The following STIM2 variants were observed in gnomAD, a reference collection of about 807,000 sequenced individuals.
STIM2 encodes stromal interaction molecule 2.
A neutral mutation model predicts 85.8 loss-of-function variants in STIM2; 31 were observed. The observed-to-expected ratio is 0.36, with a 90% CI of 0.27 to 0.49. The LOEUF (loss-of-function observed/expected upper bound fraction) is 0.49, where lower values mean the gene tolerates loss of function less well. Among genes scored for constraint, STIM2 ranks in the 20% least tolerant of loss-of-function variants. The probability of loss-of-function intolerance (pLI) is 0.98; values close to 1 mark genes in which losing one functional copy is unlikely to be tolerated. For missense variants in STIM2, 841 were observed against 927.6 expected, an observed-to-expected ratio of 0.91 and a Z score of 1.21; for synonymous variants, 356 against 331.1, an observed-to-expected ratio of 1.08 and a Z score of -0.82.
At chr4:27,018,129 C>T in intron 11 of STIM2, 145 bp downstream of exon 11, 1 of 1,177,092 alleles carries the variant, frequency 8.5e-7, no homozygotes, top group East Asian at 2.4e-5. Flanking sequence ...AGACATCACC[C>T]ATTTTTTAGC....
chr4:26,911,483 G>A (rs914813161), intron 1 of STIM2, among the ~76,000 whole-genome samples: 3 of 152,110 alleles, frequency 2.0e-5, no homozygotes, highest in Admixed American at 6.5e-5. Flanking sequence ...CAAAGGTCCT[G>A]TATTTTCTGT....
intron 1 of STIM2, among the ~76,000 whole-genome samples, chr4:26,917,220 T>G (rs909221171): frequency 6.6e-6 from 1 of 152,166 alleles, no homozygotes; most frequent in African/African-American, 2.4e-5. Flanking sequence ...AATCGAAAAT[T>G]TCAAATCCCT....
At chr4:26,931,138 A>G (rs918808186) in intron 2 of STIM2, among the ~76,000 whole-genome samples, 9 of 152,126 alleles carry the variant, frequency 5.9e-5, no homozygotes, top group South Asian at 2.1e-4. Context: ...TAACATGACA[A>G]TGGGGTTCCC....
At chr4:27,014,032 G>A (rs187004030) in intron 10 of STIM2, among the ~76,000 whole-genome samples, 4 of 151,916 alleles carry the variant, frequency 2.6e-5, no homozygotes, top group Admixed American at 2.0e-4. Context: ...TGTTTATACT[G>A]TTTTATATGA....
At chr4:26,873,362 T>C (rs2109030237) in intron 1 of STIM2, among the ~76,000 whole-genome samples, 1 of 151,664 alleles carries the variant, frequency 6.6e-6, no homozygotes, top group South Asian at 2.1e-4. Context: ...GCCATTGCAC[T>C]CCACTCCAGC....
intron 1 of STIM2, among the ~76,000 whole-genome samples, chr4:26,899,568 G>A (rs554977669): frequency 1.4e-4 from 22 of 152,188 alleles, no homozygotes; most frequent in African/African-American, 5.3e-4. Flanking sequence ...TTCCTAGATA[G>A]TTTAGTTTTT....
At chr4:26,944,578 A>G (rs1725742530) in intron 2 of STIM2, among the ~76,000 whole-genome samples, 1 of 152,206 alleles carries the variant, frequency 6.6e-6, no homozygotes, top group Non-Finnish European at 1.5e-5. Context: ...GTTAAAATAG[A>G]AGCCATTACT....
chr4:26,988,956 A>G (rs1727672541), intron 3 of STIM2, among the ~76,000 whole-genome samples: 1 of 152,046 alleles, frequency 6.6e-6, no homozygotes, highest in Non-Finnish European at 1.5e-5. Context: ...GGAGTGGGGG[A>G]CGGAGTCTCA....
At chr4:26,989,197 A>G (rs1240153035) in intron 3 of STIM2, among the ~76,000 whole-genome samples, 1 of 152,188 alleles carries the variant, frequency 6.6e-6, no homozygotes, top group Non-Finnish European at 1.5e-5. Flanking sequence ...GGTCTCCCAA[A>G]GTGGTAGGAT....
At chr4:26,935,513 A>G (rs1295136236) in intron 2 of STIM2, among the ~76,000 whole-genome samples, 2 of 152,210 alleles carry the variant, frequency 1.3e-5, no homozygotes, top group Non-Finnish European at 2.9e-5. Flanking sequence ...AAATTGCTCT[A>G]AGGAGTAAAT....
chr4:26,893,190 A>G (rs1723558960), intron 1 of STIM2, among the ~76,000 whole-genome samples: 1 of 152,224 alleles, frequency 6.6e-6, no homozygotes, highest in Non-Finnish European at 1.5e-5. Context: ...TGAATAATAA[A>G]GGGAACCATT....
intron 1 of STIM2, among the ~76,000 whole-genome samples, chr4:26,864,701 T>C (rs972880610): frequency 8.5e-5 from 13 of 152,146 alleles, no homozygotes; most frequent in Non-Finnish European, 1.5e-4. Flanking sequence ...ATAACATATA[T>C]AAAAACATGT....
intron 4 of STIM2, among the ~76,000 whole-genome samples, chr4:26,997,150 A>T (rs1203358680): frequency 6.6e-6 from 1 of 152,168 alleles, no homozygotes; most frequent in African/African-American, 2.4e-5. Flanking sequence ...GAGTCAACTT[A>T]AAGGGGCAAT....
At chr4:26,943,000 C>T (rs968768661) in intron 2 of STIM2, among the ~76,000 whole-genome samples, 4 of 152,048 alleles carry the variant, frequency 2.6e-5, no homozygotes, top group Non-Finnish European at 5.9e-5. Context: ...AATCTCTTCT[C>T]TCTTGTCTTT....
rs1262468969 is a variant in STIM2 at position 27,013,267 on chromosome 4, GA to G, written c.1489+4268del. ...AGGTATTTCGAGGTGGGGGTGGGGG[GA>G]AACCGCATTTACATAACTTTTATTA... On this transcript the variant is annotated intron_variant, in intron 10 of 11. Transcript: ENST00000467087. Among the ~76,000 whole-genome samples the G allele has an allele frequency of 4.0e-5, 6 of 151,586 alleles. No individual in the cohort carries two copies. In the South Asian group the frequency reaches 1.0e-3, roughly 26 times the overall value.
At position 27,019,557 on chromosome 4, in the gene STIM2, A is replaced by G. The variant is rs1022352690; in HGVS notation, c.1763+1573A>G. 48 of 1,132,632 alleles carry G rather than the reference A, an allele frequency of 4.2e-5. No homozygotes were observed. In the African/African-American group the frequency reaches 4.6e-4, roughly 11 times the overall value. The allele number at this position is 1,132,632 out of a possible 1,614,324, so 70.2% of individuals were successfully genotyped here. A position where few individuals can be genotyped will look rare whatever the true frequency, so the allele number is the denominator to read the frequency against. On this transcript the variant is annotated intron_variant, in intron 11 of 11. Transcript: ENST00000467087. ...ATTTCAATAGCAATGTCAAAGTTTC[A>G]TAGCTAGCTCTCATAAATAAGAGAA...
At chr4:26,887,651 C>T (rs1174789210) in intron 1 of STIM2, among the ~76,000 whole-genome samples, 1 of 151,990 alleles carries the variant, frequency 6.6e-6, no homozygotes, top group African/African-American at 2.4e-5. Context: ...TTAAAAGACC[C>T]TGTATTAGGG....
intron 7 of STIM2, among the ~76,000 whole-genome samples, chr4:27,006,413 T>G (rs955217959): frequency 1.3e-5 from 2 of 152,200 alleles, no homozygotes; most frequent in African/African-American, 4.8e-5. Flanking sequence ...TGCTCTTCAG[T>G]GTCCTTAGTT....
At chr4:26,976,119 G>T (rs1417863916) in intron 3 of STIM2, among the ~76,000 whole-genome samples, 1 of 152,162 alleles carries the variant, frequency 6.6e-6, no homozygotes, top group Admixed American at 6.5e-5. Context: ...GCAGTATTTG[G>T]GCGGGAGTGT....
Sources: gnomAD v4.1 joint callset for allele counts (sites outside exome capture counted in the v4.1 genomes callset) on GRCh38, gnomAD v4.1.1 for gene constraint, MANE v1.5 for transcripts, NCBI Gene and HGNC (gene_info 2026-07-23, HGNC 2026-07-21) for gene names.